The following FUNDC1 variants were observed in gnomAD, a reference collection of about 807,000 sequenced individuals.
FUNDC1 encodes the protein FUN14 domain-containing protein 1.
A neutral mutation model predicts 14.5 loss-of-function variants in FUNDC1; 10 were observed. The ratio of observed to expected loss-of-function variants is 0.69; its 90% CI spans 0.43 to 1.17. The LOEUF (loss-of-function observed/expected upper bound fraction) is 1.17, where lower values mean the gene tolerates loss of function less well. Among genes scored for constraint, FUNDC1 ranks in the 50% most tolerant of loss-of-function variants. The probability of loss-of-function intolerance (pLI) is 0.00; values close to 1 mark genes in which losing one functional copy is unlikely to be tolerated. For missense variants in FUNDC1, 115 were observed against 113.8 expected (o/e 1.01, Z -0.05); for synonymous variants, 33 against 39.7 (o/e 0.83, Z 0.64).
intron 2 of FUNDC1, among the ~76,000 whole-genome samples, chrX:44,541,216 A>C (rs2038970238): frequency 8.9e-6 from 1 of 112,482 alleles, no homozygotes; most frequent in Non-Finnish European, 1.9e-5. Flanking sequence ...GAACATTTTC[A>C]AAACAGTCAA....
At chrX:44,539,544 C>A (rs886332626) in intron 2 of FUNDC1, among the ~76,000 whole-genome samples, 2 of 111,714 alleles carry the variant, frequency 1.8e-5, no homozygotes, top group Non-Finnish European at 3.8e-5. Context: ...CAGAAGCTAG[C>A]AGAGAAACAT....
intron 4 of FUNDC1, among the ~76,000 whole-genome samples, chrX:44,525,806 T>C (rs1042526081): frequency 9.3e-6 from 1 of 107,677 alleles, no homozygotes; most frequent in Admixed American, 9.9e-5. Context: ...GATCACACCA[T>C]TGCACTCCAG....
intron 3 of FUNDC1, among the ~76,000 whole-genome samples, chrX:44,532,765 T>C (rs1313341567): frequency 9.1e-6 from 1 of 110,080 alleles, no homozygotes; most frequent in Admixed American, 9.8e-5. Context: ...TTGGCCAGGC[T>C]TGTCTCGAAC....
chrX:44,524,592 T>G (rs1191077890), intron 4 of FUNDC1, among the ~76,000 whole-genome samples: 1 of 111,439 alleles, frequency 9.0e-6, no homozygotes, highest in Admixed American at 9.7e-5. Context: ...GTAAAATTTT[T>G]GTATAACTAT....
rs765977358 is a variant in FUNDC1 at position 44,524,155 on chromosome X, C to T, written c.*43G>A. The T allele has an allele frequency of 4.8e-5, 46 of 961,820 alleles. No homozygotes were observed. In the Admixed American group the frequency reaches 4.9e-4, roughly 10 times the overall value. The allele number at this position is 961,820 out of a possible 1,213,427, so 79.3% of individuals were successfully genotyped here. ...AGAGACTGCCTTATTGCTGCCACTT[C>T]TCTTCTCATAGTTGAATCCGTTATG... On this transcript the variant is annotated 3_prime_UTR_variant, in exon 5 of 5. Transcript: ENST00000378045.
intron 4 of FUNDC1, among the ~76,000 whole-genome samples, chrX:44,526,490 G>C (rs1054800093): frequency 4.9e-5 from 5 of 101,524 alleles, no homozygotes; most frequent in Non-Finnish European, 9.8e-5. Flanking sequence ...ATAAAAAAGG[G>C]GGGGGGGCGT....
intron 3 of FUNDC1, among the ~76,000 whole-genome samples, chrX:44,537,295 T>C (rs2038952922): frequency 8.9e-6 from 1 of 111,823 alleles, no homozygotes; most frequent in Non-Finnish European, 1.9e-5. Context: ...CTGTGAACAT[T>C]TTAGGAAACT....
intron 2 of FUNDC1, among the ~76,000 whole-genome samples, chrX:44,541,066 T>C (rs1436155552): frequency 8.9e-6 from 1 of 112,364 alleles, no homozygotes; most frequent in Non-Finnish European, 1.9e-5. Flanking sequence ...ATCAAAAAAC[T>C]CATCGTTATA....
At chrX:44,529,759 G>C (rs1376106870) in intron 3 of FUNDC1, among the ~76,000 whole-genome samples, 3 of 111,629 alleles carry the variant, frequency 2.7e-5, no homozygotes, top group Non-Finnish European at 5.6e-5. Flanking sequence ...ATGCTGGAGT[G>C]ATCTACCATC....
At chrX:44,535,401 C>G (rs1172220295) in intron 3 of FUNDC1, among the ~76,000 whole-genome samples, 1 of 110,193 alleles carries the variant, frequency 9.1e-6, no homozygotes, top group Non-Finnish European at 1.9e-5. Flanking sequence ...GGTGCGGTGG[C>G]TCACACCTGT....
At chrX:44,525,193 G>A (rs1462752787) in intron 4 of FUNDC1, among the ~76,000 whole-genome samples, 3 of 110,471 alleles carry the variant, frequency 2.7e-5, no homozygotes, top group African/African-American at 3.3e-5. Flanking sequence ...CATGATAACC[G>A]AAAACAATAT....
At chrX:44,539,062 A>G (rs1388736384) in intron 2 of FUNDC1, among the ~76,000 whole-genome samples, 3 of 111,512 alleles carry the variant, frequency 2.7e-5, no homozygotes, top group Non-Finnish European at 5.6e-5. Context: ...CTACCCTTTC[A>G]GGTCCAGCTG....
chrX:44,535,765 C>T (rs1460365480), intron 3 of FUNDC1, among the ~76,000 whole-genome samples: 2 of 107,126 alleles, frequency 1.9e-5, no homozygotes, highest in Admixed American at 1.0e-4. Flanking sequence ...GCGGGTGGAT[C>T]GCCTGAGGTC....
At chrX:44,542,166 A>T in intron 1 of FUNDC1, 65 bp from the exon 2 acceptor site, 2 of 870,531 alleles carry the variant, frequency 2.3e-6, no homozygotes, top group Non-Finnish European at 3.2e-6. Context: ...TGTTCTATAC[A>T]TCTTTTTAAA....
At chrX:44,531,129 C>T (rs1272129720) in intron 3 of FUNDC1, among the ~76,000 whole-genome samples, 1 of 107,685 alleles carries the variant, frequency 9.3e-6, no homozygotes, top group Non-Finnish European at 1.9e-5. Flanking sequence ...GTAGTCCCAG[C>T]TACTTGAGAG....
chrX:44,526,888 T>A (rs1055622052), intron 4 of FUNDC1, among the ~76,000 whole-genome samples: 3 of 110,657 alleles, frequency 2.7e-5, no homozygotes, highest in African/African-American at 9.8e-5. Context: ...ATTTTCAAAC[T>A]ATCCTCAAGA....
At chrX:44,524,985 A>G (rs2038895328) in intron 4 of FUNDC1, among the ~76,000 whole-genome samples, 1 of 111,685 alleles carries the variant, frequency 9.0e-6, no homozygotes, top group Non-Finnish European at 1.9e-5. Context: ...AACAGAAAAA[A>G]AAATGTACAG....
rs756353287 is a variant in FUNDC1, at chrX:44,535,077, C to CA, written c.261+3389dup. Among the ~76,000 whole-genome samples, 27 of 111,024 alleles carry CA rather than the reference C, an allele frequency of 2.4e-4. No homozygotes were observed. In the East Asian group the frequency reaches 6.9e-3, roughly 28 times the overall value. ...AGGAGGATCCCTTGAGCCCAGGAGG[C>CA]AGAGTTTGTAGTGAGTGAGATTGTA... On this transcript the variant is annotated intron_variant, in intron 3 of 4. Transcript: ENST00000378045.
intron 4 of FUNDC1, among the ~76,000 whole-genome samples, chrX:44,526,188 C>T (rs780056685): frequency 1.8e-5 from 2 of 110,796 alleles, no homozygotes; most frequent in African/African-American, 6.6e-5. Context: ...CCCAGCACTT[C>T]GGGAGACTGA....
Sources: allele counts gnomAD v4.1 joint callset (sites outside exome capture counted in the v4.1 genomes callset), GRCh38; gene constraint gnomAD v4.1.1; transcripts MANE v1.5; gene names NCBI Gene and HGNC (gene_info 2026-07-23, HGNC 2026-07-21).